The following STX8 variants were observed in gnomAD, a reference collection of about 807,000 sequenced individuals.
STX8 encodes syntaxin-8.
A neutral mutation model predicts 37.5 loss-of-function variants in STX8; 23 were observed. The ratio of observed to expected loss-of-function variants is 0.61; its 90% CI spans 0.44 to 0.87. The LOEUF (loss-of-function observed/expected upper bound fraction) is 0.87. Among genes scored for constraint, STX8 ranks in the 40% least tolerant of loss-of-function variants. STX8 has a pLI of 0.00. For synonymous variants in STX8, 115 were observed against 99.1 expected (o/e 1.16, Z -0.95); for missense variants, 313 against 284.7 (o/e 1.10, Z -0.71).
chr17:9,362,756 A>G (rs1447040901), intron 7 of STX8, among the ~76,000 whole-genome samples: 1 of 150,512 alleles, frequency 6.6e-6, no homozygotes, highest in Non-Finnish European at 1.5e-5. Context: ...CAGGAGGCGG[A>G]GCTTGCAGTG....
chr17:9,388,544 C>G (rs1197260316), intron 6 of STX8, among the ~76,000 whole-genome samples: 1 of 151,778 alleles, frequency 6.6e-6, no homozygotes, highest in Non-Finnish European at 1.5e-5. Flanking sequence ...TGGCTCACGC[C>G]TGTAATCCCA....
At chr17:9,306,008 G>A (rs1028329219) in intron 7 of STX8, among the ~76,000 whole-genome samples, 1 of 152,034 alleles carries the variant, frequency 6.6e-6, no homozygotes, top group East Asian at 1.9e-4. Flanking sequence ...CTCCCAAAGT[G>A]CTGGGATGAC....
At chr17:9,448,152 G>A (rs1258855167) in intron 6 of STX8, among the ~76,000 whole-genome samples, 1 of 139,898 alleles carries the variant, frequency 7.1e-6, no homozygotes, top group East Asian at 2.1e-4. Flanking sequence ...TCCAGCCTGG[G>A]CAACAGAATG....
At chr17:9,409,320 T>C (rs1912905300) in intron 6 of STX8, among the ~76,000 whole-genome samples, 1 of 152,048 alleles carries the variant, frequency 6.6e-6, no homozygotes, top group Non-Finnish European at 1.5e-5. Flanking sequence ...ACAGAATCAT[T>C]TGTATACTAT....
At chr17:9,375,937 C>T (rs62067098) in intron 7 of STX8, among the ~76,000 whole-genome samples, 13,691 of 152,168 alleles carry the variant, frequency 0.09, 815 homozygotes, top group Middle Eastern at 0.17. Flanking sequence ...AGAGCTCACT[C>T]TCATGATATC....
chr17:9,364,267 C>T (rs147966824), intron 7 of STX8, among the ~76,000 whole-genome samples: 1 of 152,200 alleles, frequency 6.6e-6, no homozygotes, highest in East Asian at 1.9e-4. Context: ...ATCAAAGTGC[C>T]ACAGTATTCT....
chr17:9,534,808 T>A (rs1567600824), intron 4 of STX8, among the ~76,000 whole-genome samples: 1 of 151,920 alleles, frequency 6.6e-6, no homozygotes, highest in Non-Finnish European at 1.5e-5. Flanking sequence ...GCAAAACTCT[T>A]AAAAAGAAGT....
At chr17:9,542,589 G>A (rs576962816) in intron 4 of STX8, among the ~76,000 whole-genome samples, 1,688 of 150,840 alleles carry the variant, frequency 0.011, 33 homozygotes, top group African/African-American at 0.038. Context: ...AGGCAGGAGA[G>A]TGGTGTGAAC....
At chr17:9,274,714 T>TAATAAA (rs1555586583) in intron 7 of STX8, among the ~76,000 whole-genome samples, 2 of 85,000 alleles carry the variant, frequency 2.4e-5, no homozygotes, top group African/African-American at 7.7e-5. Context: ...ATAATAATAA[T>TAATAAA]AAACAAAGTC....
chr17:9,253,209 T>G (rs1282727204), intron 7 of STX8, among the ~76,000 whole-genome samples: 26 of 130,866 alleles, frequency 2.0e-4, no homozygotes, highest in Middle Eastern at 3.7e-3. Context: ...GGGGTAGGGG[T>G]GTGTGTGTGT....
At chr17:9,529,624 T>C (rs538406237) in intron 4 of STX8, among the ~76,000 whole-genome samples, 1 of 152,188 alleles carries the variant, frequency 6.6e-6, no homozygotes, top group Non-Finnish European at 1.5e-5. Context: ...ACTGTAAGTC[T>C]CACCTTTATA....
intron 4 of STX8, among the ~76,000 whole-genome samples, chr17:9,515,555 C>A (rs1174915990): frequency 1.3e-5 from 2 of 152,288 alleles, no homozygotes; most frequent in East Asian, 3.9e-4. Context: ...CAGGGTCTCA[C>A]TCTGTCACCC....
chr17:9,352,973 C>G (rs1034280432), intron 7 of STX8, among the ~76,000 whole-genome samples: 33 of 151,804 alleles, frequency 2.2e-4, no homozygotes, highest in African/African-American at 8.0e-4. Context: ...CTCACTGCAG[C>G]CTTTAACTCC....
chr17:9,447,002 ATT>A (rs1026534434), intron 6 of STX8, among the ~76,000 whole-genome samples: 44 of 152,368 alleles, frequency 2.9e-4, no homozygotes, highest in African/African-American at 7.9e-4. Flanking sequence ...AATCTCAAAC[ATT>A]TCAGCAAATG....
chr17:9,526,350 A>G (rs1238046402), intron 4 of STX8, among the ~76,000 whole-genome samples: 1 of 152,114 alleles, frequency 6.6e-6, no homozygotes, highest in Non-Finnish European at 1.5e-5. Flanking sequence ...AAAAAAGTCA[A>G]ACACACATGG....
intron 7 of STX8, among the ~76,000 whole-genome samples, chr17:9,340,730 T>G (rs887549135): frequency 1.5e-5 from 2 of 129,548 alleles, no homozygotes; most frequent in Non-Finnish European, 3.1e-5. Context: ...TAATCTGGGC[T>G]GACCGCAACC....
Position 9,321,892 on chromosome 17 carries a change from T to A in STX8, c.643+56660A>T, listed in dbSNP as rs766367449. Among the ~76,000 whole-genome samples, 63 of 152,304 alleles carry A rather than the reference T, an allele frequency of 4.1e-4. No individual in the cohort carries two copies. The Middle Eastern group carries it at 0.01, about 25-fold the overall frequency. ...GGAAAAATGGTTCAAACTGATTGAC[T>A]CTGGAGATCAGGACAGGGGATAAGA... On this transcript the variant is annotated intron_variant, in intron 7 of 7. Coordinates refer to ENST00000306357, the MANE Select transcript of STX8 (RefSeq NM_004853.3).
intron 5 of STX8, among the ~76,000 whole-genome samples, chr17:9,501,764 G>A (rs557308745): frequency 5.3e-5 from 8 of 152,092 alleles, no homozygotes; most frequent in Admixed American, 3.9e-4. Flanking sequence ...ACGAGGTCAG[G>A]AGATCGAAAC....
intron 6 of STX8, among the ~76,000 whole-genome samples, chr17:9,441,210 G>A (rs1224444066): frequency 2.6e-5 from 4 of 151,754 alleles, no homozygotes; most frequent in East Asian, 1.9e-4. Context: ...AGTCAAATAC[G>A]GCTGGGCACG....
Sources: gnomAD v4.1 joint callset for allele counts (sites outside exome capture counted in the v4.1 genomes callset) on GRCh38, gnomAD v4.1.1 for gene constraint, MANE v1.5 for transcripts, NCBI Gene and HGNC (gene_info 2026-07-23, HGNC 2026-07-21) for gene names.